COMMD1: variants seen among roughly 807,000 people sequenced by gnomAD.
COMMD1 encodes copper metabolism domain containing 1.
In COMMD1, 10 loss-of-function variants were observed where a neutral mutation model predicts 17.2. That is an observed-to-expected ratio of 0.58 (90% CI 0.36 to 0.99). The LOEUF is 0.99. COMMD1 is among the 50% of genes least tolerant of loss of function. The pLI, the probability that COMMD1 is intolerant of heterozygous loss-of-function variation, is 0.01. For missense variants in COMMD1, 270 were observed against 231.8 expected (o/e 1.17, Z -1.07); for synonymous variants, 97 against 91.6 (o/e 1.06, Z -0.34).
chr2:61,896,184 C>T (rs563969395), intron 1 of COMMD1, among the ~76,000 whole-genome samples: 5 of 152,174 alleles, frequency 3.3e-5, no homozygotes, highest in Admixed American at 2.0e-4. Context: ...TATCTTTGTC[C>T]ACTCCAAAAT....
chr2:62,011,064 C>A (rs1329982810), intron 2 of COMMD1, among the ~76,000 whole-genome samples: 1 of 152,104 alleles, frequency 6.6e-6, no homozygotes, highest in Non-Finnish European at 1.5e-5. Context: ...CTTGCTCTTG[C>A]CTCTTTCTCA....
chr2:61,986,154 GTT>G (rs78425197), intron 1 of COMMD1, among the ~76,000 whole-genome samples: 1 of 145,000 alleles, frequency 6.9e-6, no homozygotes, highest in Non-Finnish European at 1.5e-5. Flanking sequence ...CTGGTATAAA[GTT>G]TTTTTTTTTT....
At chr2:62,125,706 GT>G (rs1672867930) in intron 2 of COMMD1, among the ~76,000 whole-genome samples, 1 of 152,066 alleles carries the variant, frequency 6.6e-6, no homozygotes, top group Admixed American at 6.6e-5. Flanking sequence ...ATAAGAACAG[GT>G]TATAGCAACA....
At chr2:61,940,842 A>G (rs1670726239) in intron 1 of COMMD1, among the ~76,000 whole-genome samples, 1 of 150,494 alleles carries the variant, frequency 6.6e-6, no homozygotes, top group Non-Finnish European at 1.5e-5. Flanking sequence ...GCCTGCCACC[A>G]TGCCCGGGTA....
At chr2:62,116,946 G>T (rs1298666449) in intron 2 of COMMD1, among the ~76,000 whole-genome samples, 1 of 147,394 alleles carries the variant, frequency 6.8e-6, no homozygotes, top group Non-Finnish European at 1.5e-5. Flanking sequence ...GGTGAGCCGA[G>T]ATCGCACCAT....
intron 2 of COMMD1, among the ~76,000 whole-genome samples, chr2:62,017,146 A>G (rs2103846312): frequency 6.6e-6 from 1 of 152,364 alleles, no homozygotes; most frequent in South Asian, 2.1e-4. Flanking sequence ...TGCCAGAGTT[A>G]TTAACCTAAG....
intron 1 of COMMD1, among the ~76,000 whole-genome samples, chr2:61,959,579 C>T (rs1255732012): frequency 6.6e-6 from 1 of 152,128 alleles, no homozygotes; most frequent in Non-Finnish European, 1.5e-5. Context: ...AATTAAGCAA[C>T]TTTTCCAAAG....
intron 2 of COMMD1, among the ~76,000 whole-genome samples, chr2:62,113,510 AG>A: frequency 6.6e-6 from 1 of 152,044 alleles, no homozygotes; most frequent in South Asian, 2.1e-4. Context: ...CAGCCTCCTG[AG>A]TAGCTGGGAT....
At chr2:62,016,752 T>G (rs1048990329) in intron 2 of COMMD1, among the ~76,000 whole-genome samples, 3 of 152,228 alleles carry the variant, frequency 2.0e-5, no homozygotes, top group Non-Finnish European at 4.4e-5. Context: ...TTTTGTTGCC[T>G]GTGCTTTTGG....
At chr2:61,964,236 T>C (rs1295205992) in intron 1 of COMMD1, among the ~76,000 whole-genome samples, 2 of 152,196 alleles carry the variant, frequency 1.3e-5, no homozygotes, top group East Asian at 3.8e-4. Context: ...TTTTTTCTTT[T>C]TTGAGACAGG....
At chr2:62,074,023 C>G (rs1671270987) in intron 2 of COMMD1, among the ~76,000 whole-genome samples, 1 of 152,108 alleles carries the variant, frequency 6.6e-6, no homozygotes, top group African/African-American at 2.4e-5. Context: ...AAATACTTTA[C>G]AGTTTATTTT....
At chr2:62,074,883 GTTTTTTTTTTT>G (rs570489051) in intron 2 of COMMD1, among the ~76,000 whole-genome samples, 1 of 110,536 alleles carries the variant, frequency 9.0e-6, no homozygotes, top group African/African-American at 3.5e-5. Context: ...TGTTTGTGTG[GTTTTTTTTTTT>G]TTTTTTTTTT....
chr2:61,930,645 G>T (rs1670441411), intron 1 of COMMD1, among the ~76,000 whole-genome samples: 1 of 151,880 alleles, frequency 6.6e-6, no homozygotes. Context: ...GTGTGTGTGT[G>T]TGTGTGTGTG....
rs79195823 is a variant in COMMD1, at chr2:62,110,261, G to T, written c.463-25570G>T. ...ATTTTTGATTTTTTTTATAGGAATG[G>T]TGTCTCACTATATTGCCCAGGCTGG... On this transcript the variant is annotated intron_variant, in intron 2 of 2. Coordinates refer to ENST00000311832, the MANE Select transcript of COMMD1 (RefSeq NM_152516.4). Among the ~76,000 whole-genome samples, 124 of 151,984 alleles carry T rather than the reference G, an allele frequency of 8.2e-4. 2 individuals are homozygous for T. In the East Asian group the frequency reaches 0.023, roughly 28 times the overall value.
intron 1 of COMMD1, among the ~76,000 whole-genome samples, chr2:61,940,486 A>G (rs1435968298): frequency 6.6e-6 from 1 of 152,144 alleles, no homozygotes; most frequent in Non-Finnish European, 1.5e-5. Context: ...CTTTTCTGGT[A>G]AAAAAGGGTT....
intron 2 of COMMD1, among the ~76,000 whole-genome samples, chr2:62,117,600 TA>T (rs1456148077): frequency 6.6e-6 from 1 of 152,250 alleles, no homozygotes; most frequent in African/African-American, 2.4e-5. Context: ...TAAAATGGGA[TA>T]AAATTATTCT....
intron 2 of COMMD1, among the ~76,000 whole-genome samples, chr2:62,101,201 A>C (rs138560671): frequency 1.3e-5 from 2 of 152,126 alleles, no homozygotes; most frequent in South Asian, 4.2e-4. Context: ...CTGCATGCCA[A>C]CCAATTCTCT....
intron 1 of COMMD1, among the ~76,000 whole-genome samples, chr2:61,898,508 G>C (rs1288048060): frequency 2.0e-5 from 3 of 152,102 alleles, no homozygotes. Flanking sequence ...GGCCAGTTGA[G>C]CGAAGGGTGA....
chr2:61,986,593 G>C (rs1672111236), intron 1 of COMMD1, among the ~76,000 whole-genome samples: 1 of 129,334 alleles, frequency 7.7e-6, no homozygotes, highest in South Asian at 2.5e-4. Context: ...TTTGGAGTCA[G>C]AGTCTTGCTC....
Sources: allele counts gnomAD v4.1 joint callset (sites outside exome capture counted in the v4.1 genomes callset), GRCh38; gene constraint gnomAD v4.1.1; transcripts MANE v1.5; gene names NCBI Gene and HGNC (gene_info 2026-07-23, HGNC 2026-07-21).